The following CELSR1 variants were observed in gnomAD, a reference collection of about 807,000 sequenced individuals.
The protein encoded by CELSR1 is cadherin EGF LAG seven-pass G-type receptor 1, also known as adhesion G protein-coupled receptor C1.
CELSR1 carries 110 observed loss-of-function variants against 249.1 expected under a neutral mutation model. That is an observed-to-expected ratio of 0.44 (90% CI 0.38 to 0.52). The LOEUF (loss-of-function observed/expected upper bound fraction) is 0.52. Ranked by LOEUF, CELSR1 falls within the 20% of genes least tolerant of loss-of-function variation. The pLI, the probability that CELSR1 is intolerant of heterozygous loss-of-function variation, is 0.00. For missense variants in CELSR1, 4,109 were observed against 4,296.4 expected (o/e 0.96, Z 1.22); for synonymous variants, 2,113 against 1,900.0 (o/e 1.11, Z -2.92).
At chr22:46,450,248 G>T (rs1048673955) in intron 2 of CELSR1, among the ~76,000 whole-genome samples, 1 of 152,258 alleles carries the variant, frequency 6.6e-6, no homozygotes, top group Non-Finnish European at 1.5e-5. Context: ...GAGGCCCCCA[G>T]CCACCAGGGC....
At chr22:46,462,130 C>T (rs1010983020) in intron 2 of CELSR1, among the ~76,000 whole-genome samples, 2 of 152,270 alleles carry the variant, frequency 1.3e-5, no homozygotes, top group Non-Finnish European at 2.9e-5. Flanking sequence ...GCCTTGCCCA[C>T]AGCCGAGCCC....
At chr22:46,418,345 G>C (rs569769593) in intron 5 of CELSR1, among the ~76,000 whole-genome samples, 1 of 152,234 alleles carries the variant, frequency 6.6e-6, no homozygotes, top group Admixed American at 6.5e-5. Flanking sequence ...AATTAGCCAG[G>C]CATGGTGGTG....
rs1445080565 is a variant in CELSR1 at position 46,430,452 on chromosome 22, A to T, written c.4611+2941T>A. On this transcript the variant is annotated intron_variant, in intron 5 of 34. Transcript: ENST00000674500. This position sits in a 1 kb window ranked among gnomAD's most constrained non-coding sequence, Gnocchi z 4.6. The stretch of plus-strand genomic sequence containing the variant: ...GCGTGTGCAGGGGGGTTCCCTCGGC[A>T]GTGTCACCCACCACCCTCAAGATCA... Among the ~76,000 whole-genome samples the T allele has an allele frequency of 6.6e-6, 1 of 152,006 alleles. No homozygotes were observed. The highest frequency in any genetic ancestry group is 1.9e-4 in the East Asian group (1 of 5,180).
At chr22:46,481,601 CCGTG>C in intron 1 of CELSR1, 1 of 736,026 alleles carries the variant, frequency 1.4e-6, no homozygotes, top group Non-Finnish European at 2.4e-6. Context: ...TGCACCTGCT[CCGTG>C]GAGGCCTGAC....
chr22:46,458,588 A>G (rs958400637), intron 2 of CELSR1, among the ~76,000 whole-genome samples: 3 of 152,214 alleles, frequency 2.0e-5, no homozygotes, highest in African/African-American at 7.2e-5. Flanking sequence ...GCAGGATCAG[A>G]GCAGGGAGTA....
intron 1 of CELSR1, among the ~76,000 whole-genome samples, chr22:46,525,660 T>C (rs1445223862): frequency 2.0e-5 from 3 of 152,150 alleles, no homozygotes; most frequent in African/African-American, 7.2e-5. Flanking sequence ...GAAGATAACA[T>C]CTAATTCTGT....
At chr22:46,477,821 T>C (rs2080225188) in intron 1 of CELSR1, among the ~76,000 whole-genome samples, 1 of 151,950 alleles carries the variant, frequency 6.6e-6, no homozygotes, top group Non-Finnish European at 1.5e-5. Flanking sequence ...TGTTTTAAGA[T>C]AAGAAGAAAA....
chr22:46,456,795 T>G (rs1260216476), intron 2 of CELSR1, among the ~76,000 whole-genome samples: 3 of 150,258 alleles, frequency 2.0e-5, no homozygotes, highest in Non-Finnish European at 3.0e-5. Context: ...ACACAGGTGA[T>G]TATGTTTTTA....
chr22:46,527,468 G>C lies in CELSR1; in HGVS notation c.3544+6159C>G, dbSNP rs559400146. Among the ~76,000 whole-genome samples the C allele has an allele frequency of 7.2e-5, 11 of 152,256 alleles. No individual in the cohort carries two copies. Among genetic ancestry groups the C allele is most frequent in the Admixed American group, 6.5e-4 (10 of 15,294 alleles). ...CCCATCACACACTGCACACGTCCAG[G>C]GGGGTAGAGAAGAGTCCCAGCCCGC... is the stretch of plus-strand genomic sequence containing the variant. On this transcript the variant is annotated intron_variant, in intron 1 of 34. Transcript: ENST00000674500. The surrounding 1 kb of genome is among the most constrained non-coding windows in gnomAD (Gnocchi z 5.5).
rs533654203 is a variant in CELSR1, at chr22:46,507,967, G to A, written c.3544+25660C>T. ...CCACCCATCTGGCTGTTCCCAGGCCGTAGGCTCCTAGGTGGGATAACCATG... is the reference window on the plus strand; with the variant it reads ...CCACCCATCTGGCTGTTCCCAGGCCATAGGCTCCTAGGTGGGATAACCATG... On this transcript the variant is annotated intron_variant, in intron 1 of 34. Transcript: ENST00000674500. Among the ~76,000 whole-genome samples the A allele has an allele frequency of 2.6e-5, 4 of 152,296 alleles. No individual in the cohort carries two copies. In the East Asian group the frequency reaches 7.7e-4, roughly 29 times the overall value.
chr22:46,536,548 G>A lies in CELSR1; in HGVS notation c.623C>T (p.Pro208Leu), dbSNP rs536312970. 9.6e-6 allele frequency: 13 copies of A among 1,356,158 alleles called. No individual in the cohort carries two copies. The Admixed American group carries it at 1.6e-4, about 17-fold the overall frequency. The allele number at this position is 1,356,158 out of a possible 1,614,324, so 84.0% of individuals were successfully genotyped here. ...LALEAATAGT[P>L]SASPSPSPPL... Reference sequence around the variant, plus strand: ...CGGCGATGGGGATGGCGACGCGGAGGGCGTCCCCGCGGTGGCGGCCTCCAG... The same window carrying A: ...CGGCGATGGGGATGGCGACGCGGAGAGCGTCCCCGCGGTGGCGGCCTCCAG... Residue 208 changes from proline to leucine, a missense_variant, in exon 1 of 35, where the codon CCC becomes CTC. Around this residue, in one of 7 missense-constraint regions of CELSR1, gnomAD observed 673 missense variants for 636.8 expected, o/e 1.06. Coordinates refer to ENST00000674500, the MANE Select transcript of CELSR1 (RefSeq NM_001378328.1).
At position 46,533,788 on chromosome 22, in the gene CELSR1, G is replaced by C. The variant is rs370921649; in HGVS notation, c.3383C>G (p.Pro1128Arg). The C allele has an allele frequency of 6.2e-7, 1 of 1,613,578 alleles. No individual in the cohort carries two copies. The highest frequency in any genetic ancestry group is 1.3e-5 in the African/African-American group (1 of 74,950). The stretch of plus-strand genomic sequence containing the variant: ...GTCTGACACGTCGGGGTCATGGGCC[G>C]GGATGCAGCCGATCACGCCGGTGGG... ...SFPTGVIGCI[P>R]AHDPDVSDSL... Residue 1128 changes from proline to arginine, a missense_variant, in exon 1 of 35, where the codon CCG (proline) becomes CGG (arginine). This residue lies in a region of CELSR1 where 886 missense variants were observed against 896.5 expected (regional missense o/e 0.99). Transcript: ENST00000674500.
At position 46,526,363 on chromosome 22, in the gene CELSR1, G is replaced by A. The variant is rs750750770; in HGVS notation, c.3544+7264C>T. The stretch of plus-strand genomic sequence containing the variant: ...GCTGCAGGACAGCTAGGTGCTGTGC[G>A]TAACCCGCCAACTCTGCTGGGCCTT... On this transcript the variant is annotated intron_variant, in intron 1 of 34. Transcript: ENST00000674500. This position sits in a 1 kb window ranked among gnomAD's most constrained non-coding sequence, Gnocchi z 4.7. Among the ~76,000 whole-genome samples, 11 of 152,212 alleles carry A rather than the reference G, an allele frequency of 7.2e-5. No individual in the cohort carries two copies. Among genetic ancestry groups the A allele is most frequent in the Non-Finnish European group, 1.0e-4 (7 of 68,040 alleles).
At chr22:46,370,846 T>C (rs937653705) in intron 25 of CELSR1, among the ~76,000 whole-genome samples, 1 of 152,194 alleles carries the variant, frequency 6.6e-6, no homozygotes, top group Non-Finnish European at 1.5e-5. Context: ...CCCCGGGAGT[T>C]ATTTTAAGAT....
At chr22:46,460,591 G>A (rs924002841) in intron 2 of CELSR1, among the ~76,000 whole-genome samples, 1 of 152,164 alleles carries the variant, frequency 6.6e-6, no homozygotes, top group African/African-American at 2.4e-5. Flanking sequence ...AGACCGAGGG[G>A]CTGAGAACCG....
In CELSR1 at chr22:46,464,369, G is replaced by T. The variant is rs776461062; in HGVS notation, c.3545-24C>A. 2 of 1,598,100 alleles carry T rather than the reference G, an allele frequency of 1.3e-6. No homozygotes were observed. Among genetic ancestry groups the T allele is most frequent in the East Asian group, 2.2e-5 (1 of 44,722 alleles). On this transcript the variant is annotated intron_variant, in intron 1 of 34. Coordinates refer to ENST00000674500, the MANE Select transcript of CELSR1 (RefSeq NM_001378328.1). This position sits in a 1 kb window ranked among gnomAD's most constrained non-coding sequence, Gnocchi z 8.5. ...ATCTGCAGACACAAGGAAAGTCAGG[G>T]TCATTCAGATGCTGCGGGAGTCACA...
chr22:46,466,466 C>G lies in CELSR1; in HGVS notation c.3545-2121G>C, dbSNP rs75887993. On this transcript the variant is annotated intron_variant, in intron 1 of 34. Transcript: ENST00000674500. ...GCACATCGGGAAGAAGGCAGCACTCCCGTCCAGGGCCCCGGCCAATGGAAG... is the reference window on the plus strand; with the variant it reads ...GCACATCGGGAAGAAGGCAGCACTCGCGTCCAGGGCCCCGGCCAATGGAAG... Among the ~76,000 whole-genome samples the G allele has an allele frequency of 5.5e-3, 837 of 152,326 alleles. 4 individuals carry two copies. Among genetic ancestry groups the G allele is most frequent in the African/African-American group, 0.011 (444 of 41,576 alleles).
chr22:46,376,545 T>C (rs1392387972), intron 24 of CELSR1, among the ~76,000 whole-genome samples: 2 of 152,148 alleles, frequency 1.3e-5, no homozygotes, highest in Admixed American at 6.5e-5. Flanking sequence ...CAGCTAATTT[T>C]TGTATTTTTA....
intron 20 of CELSR1, among the ~76,000 whole-genome samples, chr22:46,382,274 T>C (rs2078986527): frequency 6.6e-6 from 1 of 151,984 alleles, no homozygotes; most frequent in Non-Finnish European, 1.5e-5. Context: ...TACTTCTATT[T>C]TTATTTATTT....
Sources: gnomAD v4.1 joint callset for allele counts (sites outside exome capture counted in the v4.1 genomes callset) on GRCh38, gnomAD v4.1.1 for gene constraint, gnomAD v4.1.1 regional missense constraint, Gnocchi (gnomAD v3.1) non-coding constraint, MANE v1.5 for transcripts, NCBI Gene and HGNC (gene_info 2026-07-23, HGNC 2026-07-21) for gene names.